Variants in AGBL4 observed in about 807,000 individuals in gnomAD.
AGBL4 encodes the protein cytosolic carboxypeptidase 6.
Under a neutral mutation model 66.4 loss-of-function variants are expected in AGBL4, and 58 were observed. The observed-to-expected ratio is 0.87, with a 90% CI of 0.71 to 1.09. The LOEUF (loss-of-function observed/expected upper bound fraction) is 1.09. Among genes scored for constraint, AGBL4 ranks in the 50% least tolerant of loss-of-function variants. AGBL4 has a pLI of 0.00. For synonymous variants in AGBL4, 234 were observed against 222.9 expected, an observed-to-expected ratio of 1.05 and a Z score of -0.44; for missense variants, 579 against 631.0, an observed-to-expected ratio of 0.92 and a Z score of 0.88.
chr1:49,104,263 T>C (rs774924924), intron 4 of AGBL4, among the ~76,000 whole-genome samples: 2 of 152,232 alleles, frequency 1.3e-5, no homozygotes, highest in South Asian at 2.1e-4. Flanking sequence ...TGTACCTGGA[T>C]TATGGCATTT....
chr1:49,097,672 C>G (rs1463432208), intron 4 of AGBL4, among the ~76,000 whole-genome samples: 1 of 152,232 alleles, frequency 6.6e-6, no homozygotes, highest in African/African-American at 2.4e-5. Context: ...CCTCTACCTC[C>G]GAGGTTGAAG....
At chr1:48,528,719 T>C (rs1425314942), downstream of AGBL4, among the ~76,000 whole-genome samples, 2 of 152,160 alleles carry the variant, frequency 1.3e-5, no homozygotes, top group African/African-American at 4.8e-5. Flanking sequence ...AAGACAGATA[T>C]GTGAGTGCCT....
intron 1 of AGBL4, among the ~76,000 whole-genome samples, chr1:49,934,525 A>G (rs945907667): frequency 8.5e-5 from 13 of 152,216 alleles, no homozygotes; most frequent in African/African-American, 3.1e-4. Context: ...ATTCACGATT[A>G]CAGAAAAATT....
At chr1:49,876,652 G>T (rs1647016880) in intron 1 of AGBL4, among the ~76,000 whole-genome samples, 2 of 25,684 alleles carry the variant, frequency 7.8e-5, no homozygotes, top group Non-Finnish European at 7.7e-5. Context: ...CTCTTTTTTG[G>T]TTCCATATGA....
intron 2 of AGBL4, among the ~76,000 whole-genome samples, chr1:49,793,652 A>AT (rs1426702269): frequency 2.6e-5 from 4 of 151,658 alleles, no homozygotes; most frequent in Non-Finnish European, 4.4e-5. Context: ...TTTGGATCTC[A>AT]TTTTTTTTAA....
chr1:49,600,802 C>T (rs540781694), intron 3 of AGBL4, among the ~76,000 whole-genome samples: 2 of 152,280 alleles, frequency 1.3e-5, no homozygotes, highest in African/African-American at 4.8e-5. Context: ...TAAGGCAGGC[C>T]CGCTGGTGAC....
chr1:49,928,466 A>G (rs764743756), intron 1 of AGBL4, among the ~76,000 whole-genome samples: 57 of 151,962 alleles, frequency 3.8e-4, no homozygotes, highest in Middle Eastern at 6.8e-3. Context: ...GGCCAGGATG[A>G]TCTCGATCTC....
At chr1:49,306,197 C>A (rs924617147) in intron 3 of AGBL4, among the ~76,000 whole-genome samples, 2 of 152,052 alleles carry the variant, frequency 1.3e-5, no homozygotes, top group Admixed American at 6.6e-5. Flanking sequence ...TCCAAGAAAT[C>A]TAGGAAAACA....
intron 2 of AGBL4, among the ~76,000 whole-genome samples, chr1:49,801,502 A>C (rs1370431567): frequency 6.6e-6 from 1 of 152,266 alleles, no homozygotes; most frequent in Non-Finnish European, 1.5e-5. Context: ...ACACAGCAAT[A>C]GATAACTAAC....
intron 5 of AGBL4, among the ~76,000 whole-genome samples, chr1:49,018,274 G>A (rs933272797): frequency 3.9e-5 from 6 of 152,276 alleles, no homozygotes; most frequent in Middle Eastern, 3.4e-3. Context: ...GAAGGCACAC[G>A]TGAGGTGAGC....
chr1:49,343,139 T>C (rs1273419913), intron 3 of AGBL4, among the ~76,000 whole-genome samples: 1 of 152,080 alleles, frequency 6.6e-6, no homozygotes, highest in African/African-American at 2.4e-5. Context: ...CTGAATTATT[T>C]CCCCCGTCTA....
chr1:49,427,859 T>C (rs1645699740), intron 3 of AGBL4, among the ~76,000 whole-genome samples: 1 of 152,210 alleles, frequency 6.6e-6, no homozygotes, highest in Non-Finnish European at 1.5e-5. Flanking sequence ...TACAGAGTGC[T>C]GATTGGTCCG....
rs1646395377 is a variant in AGBL4 at position 49,667,566 on chromosome 1, T to G, written c.282+29747A>C. Among the ~76,000 whole-genome samples, 3 of 152,310 alleles carry G rather than the reference T, an allele frequency of 2.0e-5. No homozygotes were observed. In the South Asian group the frequency reaches 6.2e-4, roughly 32 times the overall value. On this transcript the variant is annotated intron_variant, in intron 3 of 13. Transcript: ENST00000371839. Reference sequence around the variant, plus strand: ...GAAATAACAGTATAGAATATAATTTTGTAGGCCTAGTAGGAATAAAAGTAC... The same window carrying G: ...GAAATAACAGTATAGAATATAATTTGGTAGGCCTAGTAGGAATAAAAGTAC...
intron 5 of AGBL4, among the ~76,000 whole-genome samples, chr1:48,899,850 C>G (rs72682918): frequency 6.6e-6 from 1 of 152,002 alleles, no homozygotes; most frequent in African/African-American, 2.4e-5. Context: ...CAGTTTATTA[C>G]GGGAAGAAAG....
At chr1:49,768,935 G>A (rs1026895107) in intron 2 of AGBL4, among the ~76,000 whole-genome samples, 34 of 151,826 alleles carry the variant, frequency 2.2e-4, no homozygotes, top group African/African-American at 4.8e-5. Flanking sequence ...TGCAACCTCC[G>A]CCTCCTGGGT....
chr1:49,014,602 A>T (rs1662677075), intron 5 of AGBL4, among the ~76,000 whole-genome samples: 1 of 152,182 alleles, frequency 6.6e-6, no homozygotes, highest in Non-Finnish European at 1.5e-5. Flanking sequence ...ACTGCATGCC[A>T]GGTCAGCCTC....
At chr1:48,950,870 C>G (rs566609837) in intron 5 of AGBL4, among the ~76,000 whole-genome samples, 29 of 152,282 alleles carry the variant, frequency 1.9e-4, no homozygotes, top group African/African-American at 6.7e-4. Context: ...TTTAAACCTA[C>G]TTCTACTATC....
intron 1 of AGBL4, among the ~76,000 whole-genome samples, chr1:49,949,535 G>T (rs565504132): frequency 1.1e-4 from 17 of 151,448 alleles, no homozygotes; most frequent in African/African-American, 4.1e-4. Context: ...CCCATCAAAA[G>T]GTGGACTAAG....
At chr1:49,381,197 A>G (rs1644598688) in intron 3 of AGBL4, among the ~76,000 whole-genome samples, 1 of 152,244 alleles carries the variant, frequency 6.6e-6, no homozygotes, top group Non-Finnish European at 1.5e-5. Context: ...ATATGAACAG[A>G]CACTTCTCAA....
Sources: allele counts gnomAD v4.1 joint callset (sites outside exome capture counted in the v4.1 genomes callset), GRCh38; gene constraint gnomAD v4.1.1; transcripts MANE v1.5; gene names NCBI Gene and HGNC (gene_info 2026-07-23, HGNC 2026-07-21).